Variants in AEBP2 observed in about 807,000 individuals in gnomAD.
AEBP2 encodes AE binding protein 2.
In AEBP2, 10 loss-of-function variants were observed where a neutral mutation model predicts 50.8. The observed-to-expected ratio is 0.20, with a 90% CI of 0.12 to 0.33. AEBP2 has a LOEUF of 0.33. AEBP2 is among the 10% of genes least tolerant of loss of function. The probability of loss-of-function intolerance (pLI) is 1.00; values close to 1 mark genes in which losing one functional copy is unlikely to be tolerated. For missense variants in AEBP2, 570 were observed against 688.0 expected (o/e 0.83, Z 1.92); for synonymous variants, 296 against 261.3 (o/e 1.13, Z -1.28).
At chr12:19,473,984 GTTTTC>G (rs1948611930) in intron 3 of AEBP2, among the ~76,000 whole-genome samples, 2 of 152,068 alleles carry the variant, frequency 1.3e-5, no homozygotes, top group South Asian at 4.1e-4. Context: ...GTCTGATTAT[GTTTTC>G]TTATTGTTAA....
At chr12:19,442,694 T>C (rs1382262293) in intron 1 of AEBP2, among the ~76,000 whole-genome samples, 3 of 152,352 alleles carry the variant, frequency 2.0e-5, no homozygotes, top group Admixed American at 1.3e-4. Context: ...CTGTTTTTAA[T>C]GTCACCATTT....
Position 19,473,381 on chromosome 12 carries a change from ATTTATTTATTTATTT to A in AEBP2, c.987+27_987+41del, listed in dbSNP as rs746103128. ...GTAAGGATGCATGTATATAAAATTT[ATTTATTTATTTATTT>A]ATTTATTTATTTATTTATTTATTTA... is the stretch of plus-strand genomic sequence containing the variant. On this transcript the variant is annotated intron_variant, in intron 3 of 7. Transcript: ENST00000266508. The A allele has an allele frequency of 4.9e-5, 33 of 676,568 alleles. 1 individual carries two copies. Among genetic ancestry groups the A allele is most frequent in the South Asian group, 2.5e-4 (5 of 19,842 alleles). The allele number at this position is 676,568 out of a possible 1,614,324, so 41.9% of individuals were successfully genotyped here.
intron 2 of AEBP2, among the ~76,000 whole-genome samples, chr12:19,463,418 A>C (rs975678451): frequency 6.6e-6 from 1 of 152,120 alleles, no homozygotes; most frequent in Admixed American, 6.6e-5. Flanking sequence ...CACTTAGTGC[A>C]TTTTTCAGAA....
chr12:19,438,865 T>G (rs557105400), upstream of AEBP2, among the ~76,000 whole-genome samples: 21 of 152,360 alleles, frequency 1.4e-4, no homozygotes, highest in Admixed American at 5.2e-4. Context: ...TTAGAATCCA[T>G]TGGCTATACA....
intron 1 of AEBP2, among the ~76,000 whole-genome samples, chr12:19,428,070 C>T (rs546759716): frequency 2.6e-5 from 4 of 151,928 alleles, no homozygotes; most frequent in Non-Finnish European, 4.4e-5. Context: ...AACTCTGTCT[C>T]CACAAAAAAA....
At chr12:19,474,803 C>T (rs199862679) in intron 3 of AEBP2, among the ~76,000 whole-genome samples, 25 of 103,778 alleles carry the variant, frequency 2.4e-4, no homozygotes, top group Non-Finnish European at 3.2e-4. Flanking sequence ...GTTTTTTTTT[C>T]CCCCCTCAAG....
intron 1 of AEBP2, among the ~76,000 whole-genome samples, chr12:19,406,110 A>T (rs2095736146): frequency 1.3e-5 from 2 of 151,678 alleles, no homozygotes; most frequent in Non-Finnish European, 2.9e-5. Flanking sequence ...GGATTACAGG[A>T]GCCTGCCACC....
At chr12:19,505,473 A>G (rs922919658) in intron 5 of AEBP2, among the ~76,000 whole-genome samples, 18 of 152,384 alleles carry the variant, frequency 1.2e-4, no homozygotes, top group Non-Finnish European at 2.2e-4. Flanking sequence ...ACATGATAAA[A>G]CAAGATAAAT....
intron 7 of AEBP2, among the ~76,000 whole-genome samples, chr12:19,517,227 A>G (rs1949332901): frequency 6.6e-6 from 1 of 152,172 alleles, no homozygotes; most frequent in Non-Finnish European, 1.5e-5. Context: ...AAGAAAAACA[A>G]TTATTCTTAC....
At chr12:19,449,134 G>T (rs1361051367) in intron 1 of AEBP2, among the ~76,000 whole-genome samples, 2 of 152,180 alleles carry the variant, frequency 1.3e-5, no homozygotes, top group Non-Finnish European at 2.9e-5. Flanking sequence ...TGTCAGAAAT[G>T]CATACTGAAA....
chr12:19,429,696 TGTG>T (rs1294191397), intron 1 of AEBP2, among the ~76,000 whole-genome samples: 1 of 152,224 alleles, frequency 6.6e-6, no homozygotes, highest in Non-Finnish European at 1.5e-5. Context: ...GGTATCTCAT[TGTG>T]GTTTTGATTT....
chr12:19,409,797 A>G (rs530570630), intron 1 of AEBP2, among the ~76,000 whole-genome samples: 66 of 152,298 alleles, frequency 4.3e-4, no homozygotes, highest in African/African-American at 1.5e-3. Flanking sequence ...CTTCTTTTCT[A>G]AGTTATAGAA....
chr12:19,441,784 A>G (rs182974506), intron 1 of AEBP2, among the ~76,000 whole-genome samples: 86 of 152,358 alleles, frequency 5.6e-4, no homozygotes, highest in Non-Finnish European at 9.3e-4. Context: ...AAACTGCACA[A>G]TGAAGCATGT....
At chr12:19,481,158 T>C (rs561997496) in intron 3 of AEBP2, among the ~76,000 whole-genome samples, 1 of 143,828 alleles carries the variant, frequency 7.0e-6, no homozygotes, top group East Asian at 2.1e-4. Flanking sequence ...TGGAGTGTAG[T>C]GATGCTATCT....
At chr12:19,441,167 A>G (rs1947952019) in intron 1 of AEBP2, among the ~76,000 whole-genome samples, 1 of 152,226 alleles carries the variant, frequency 6.6e-6, no homozygotes, top group Non-Finnish European at 1.5e-5. Flanking sequence ...ATTTTAAATG[A>G]TAATATTTAA....
Position 19,509,820 on chromosome 12 carries a change from CTTTTTTTTTTT to C in AEBP2, c.1300-2562_1300-2552del, listed in dbSNP as rs57103167. ...ATAATATTAGTAACATGGCTACTTT[CTTTTTTTTTTT>C]TTTTTTTTTTTTTTTGAGATGGAGT... On this transcript the variant is annotated intron_variant, in intron 5 of 7. Coordinates refer to ENST00000266508, the MANE Select transcript of AEBP2 (RefSeq NM_153207.5). Among the ~76,000 whole-genome samples the C allele has an allele frequency of 5.4e-3, 370 of 68,788 alleles. 2 individuals carry two copies. Among genetic ancestry groups the C allele is most frequent in the African/African-American group, 0.021 (352 of 17,156 alleles). The allele number at this position is 68,788 out of a possible 152,430, so 45.1% of individuals were successfully genotyped here.
intron 4 of AEBP2, among the ~76,000 whole-genome samples, chr12:19,497,483 G>GT (rs982423089): frequency 1.1e-4 from 16 of 150,900 alleles, no homozygotes; most frequent in African/African-American, 3.7e-4. Flanking sequence ...TTTGTTTTTT[G>GT]TTTTTTTGAG....
At chr12:19,481,528 G>C (rs1948729602) in intron 3 of AEBP2, among the ~76,000 whole-genome samples, 1 of 151,624 alleles carries the variant, frequency 6.6e-6, no homozygotes, top group African/African-American at 2.4e-5. Flanking sequence ...CTGGAGCGCA[G>C]TGGTACAGTC....
chr12:19,416,920 G>A (rs1451695292), intron 1 of AEBP2, among the ~76,000 whole-genome samples: 1 of 151,174 alleles, frequency 6.6e-6, no homozygotes, highest in Non-Finnish European at 1.5e-5. Flanking sequence ...CGCCCGGGCT[G>A]GAGTGCAGTG....
Sources: allele counts gnomAD v4.1 joint callset (sites outside exome capture counted in the v4.1 genomes callset), GRCh38; gene constraint gnomAD v4.1.1; transcripts MANE v1.5; gene names NCBI Gene and HGNC (gene_info 2026-07-23, HGNC 2026-07-21).